CREBBP: variants seen among roughly 807,000 people sequenced by gnomAD.
The protein encoded by CREBBP is CREB binding lysine acetyltransferase.
In CREBBP, 19 loss-of-function variants were observed where a neutral mutation model predicts 265.0. That is an observed-to-expected ratio of 0.07 (90% CI 0.05 to 0.11). The LOEUF is 0.11. Among genes scored for constraint, CREBBP ranks in the 10% least tolerant of loss-of-function variants. CREBBP has a pLI of 1.00. For synonymous variants in CREBBP, 1,457 were observed against 1,223.7 expected (o/e 1.19, Z -3.98); for missense variants, 2,525 against 3,219.0 (o/e 0.78, Z 5.22).
At chr16:3,763,004 G>A (rs1231863131) in intron 16 of CREBBP, among the ~76,000 whole-genome samples, 1 of 151,472 alleles carries the variant, frequency 6.6e-6, no homozygotes, top group African/African-American at 2.4e-5. Context: ...TCGATCTCCC[G>A]ACCTCGTGAT....
chr16:3,763,201 G>C (rs1254577038), intron 16 of CREBBP, among the ~76,000 whole-genome samples: 1 of 151,064 alleles, frequency 6.6e-6, no homozygotes, highest in Non-Finnish European at 1.5e-5. Context: ...AGGTCTTCTG[G>C]AGTGCAGTAG....
intron 16 of CREBBP, among the ~76,000 whole-genome samples, chr16:3,766,617 C>A (rs918884864): frequency 1.3e-5 from 2 of 151,962 alleles, no homozygotes; most frequent in African/African-American, 4.8e-5. Context: ...CCTCAAACTC[C>A]TAGGCTCAGG....
At chr16:3,799,924 A>G (rs1254010191) in intron 3 of CREBBP, among the ~76,000 whole-genome samples, 1 of 152,248 alleles carries the variant, frequency 6.6e-6, no homozygotes, top group African/African-American at 2.4e-5. Context: ...TTTAATACCA[A>G]AAAGCATTCC....
chr16:3,850,332 C>T lies in CREBBP; in HGVS notation c.763G>A (p.Gly255Arg), dbSNP rs1288029673. 3 of 1,614,234 alleles carry T rather than the reference C, an allele frequency of 1.9e-6. No individual in the cohort carries two copies. The highest frequency in any genetic ancestry group is 2.2e-5 in the East Asian group (1 of 44,884). Residue 255 changes from glycine (G) to arginine (R), a missense_variant, in exon 2 of 31, where the codon GGA (glycine) becomes AGA (arginine). Gly to Arg is a moderately radical substitution (Grantham distance 125, BLOSUM62 -2). This residue lies in a region of CREBBP where 356 missense variants were observed against 340.4 expected (regional missense o/e 1.05). Transcript: ENST00000262367. Reference sequence around the variant, plus strand: ...CCTCCTGCCTGTGCGGTGTTCAGTCCCGCGTGACCAGTCATTTGCGGGGAA... The same window carrying T: ...CCTCCTGCCTGTGCGGTGTTCAGTCTCGCGTGACCAGTCATTTGCGGGGAA... ...QVSPQMTGHA[G>R]LNTAQAGGMA...
intron 2 of CREBBP, among the ~76,000 whole-genome samples, chr16:3,811,373 A>T (rs762509492): frequency 6.6e-6 from 1 of 152,204 alleles, no homozygotes; most frequent in Non-Finnish European, 1.5e-5. Context: ...GCCAACCAAG[A>T]GATCAAGACC....
intron 1 of CREBBP, among the ~76,000 whole-genome samples, chr16:3,857,043 A>G (rs913756676): frequency 1.1e-4 from 17 of 152,182 alleles, no homozygotes; most frequent in East Asian, 5.8e-4. Context: ...CTGCATCTTC[A>G]TACCCTCACC....
intron 2 of CREBBP, among the ~76,000 whole-genome samples, chr16:3,846,838 T>C (rs1458220895): frequency 6.6e-6 from 1 of 152,200 alleles, no homozygotes; most frequent in Non-Finnish European, 1.5e-5. Flanking sequence ...AAATAATAGT[T>C]GCCTTTGGTG....
chr16:3,789,490 C>T (rs1490738037), intron 5 of CREBBP, among the ~76,000 whole-genome samples: 3 of 152,176 alleles, frequency 2.0e-5, no homozygotes, highest in Non-Finnish European at 2.9e-5. Context: ...TTGTCTCTAC[C>T]TCGGTCCTTT....
At chr16:3,751,596 C>T (rs2052475283) in intron 20 of CREBBP, 130 bp downstream of exon 20, 5 of 958,036 alleles carry the variant, frequency 5.2e-6, no homozygotes. Flanking sequence ...GTCTCAAAAA[C>T]AAAAAACCAA....
At chr16:3,812,521 C>T (rs1172701680) in intron 2 of CREBBP, among the ~76,000 whole-genome samples, 1 of 151,292 alleles carries the variant, frequency 6.6e-6, no homozygotes, top group African/African-American at 2.4e-5. Flanking sequence ...TTAAAGTGCA[C>T]TGAAATCAAA....
At chr16:3,773,550 A>C in intron 13 of CREBBP, 1 of 619,206 alleles carries the variant, frequency 1.6e-6, no homozygotes, top group South Asian at 2.0e-5. Flanking sequence ...CATATAGTTA[A>C]CCCAGAAAGG....
At chr16:3,771,013 AAATT>A (rs1196442707) in intron 13 of CREBBP, 27 bp from the exon 14 acceptor site, 1 of 1,611,204 alleles carries the variant, frequency 6.2e-7, no homozygotes, top group Non-Finnish European at 8.5e-7. Context: ...GAGTATGGTA[AAATT>A]ATTTCCCCCG....
intron 2 of CREBBP, among the ~76,000 whole-genome samples, chr16:3,823,773 C>G (rs1418364984): frequency 6.6e-6 from 1 of 152,088 alleles, no homozygotes; most frequent in Non-Finnish European, 1.5e-5. Flanking sequence ...AGGGATGGAC[C>G]TGAATGCATT....
At chr16:3,734,277 C>G (rs566011500) in intron 28 of CREBBP, among the ~76,000 whole-genome samples, 2 of 152,286 alleles carry the variant, frequency 1.3e-5, no homozygotes, top group East Asian at 3.9e-4. Context: ...ACCCCCAGAG[C>G]GAGCTCCTGG....
In CREBBP at chr16:3,731,387, G is replaced by A. The variant is rs2051911274; in HGVS notation, c.4977C>T (p.Asp1659=). ...GGAAGGCGTCGCGCCCATCCATGAG[G>A]TCACAGCTGAGCAGGGGGTCGGGGT... ...IVDPDPLLSC[D]LMDGRDAFLT... is the part of the protein sequence containing the mutation. The change falls in exon 30 of 31, where the codon GAC becomes GAT. Residue 1659 remains aspartate (D), a synonymous_variant. Transcript: ENST00000262367. This position sits in a 1 kb window ranked among gnomAD's most constrained non-coding sequence, Gnocchi z 7.7. The A allele has an allele frequency of 1.2e-6, 2 of 1,612,078 alleles. No individual in the cohort carries two copies. The highest frequency in any genetic ancestry group is 8.5e-7 in the Non-Finnish European group (1 of 1,179,296).
Position 3,792,828 on chromosome 16 carries a change from G to T in CREBBP, c.1216+558C>A, listed in dbSNP as rs79003348. 1.3e-4 allele frequency among the ~76,000 whole-genome samples: 20 copies of T among 152,294 alleles called. No individual in the cohort carries two copies. In the East Asian group the frequency reaches 3.9e-3, roughly 29 times the overall value. Reference sequence around the variant, plus strand: ...TCTGCGGTAAAAGGGGAGACAGAGGGCACGTGAAGTGCCTAGTTCACCACC... The same window carrying T: ...TCTGCGGTAAAAGGGGAGACAGAGGTCACGTGAAGTGCCTAGTTCACCACC... On this transcript the variant is annotated intron_variant, in intron 4 of 30. Coordinates refer to ENST00000262367, the MANE Select transcript of CREBBP (RefSeq NM_004380.3).
intron 25 of CREBBP, 67 bp downstream of exon 25, chr16:3,739,511 T>TC (rs1567272177): frequency 6.3e-7 from 1 of 1,599,258 alleles, no homozygotes; most frequent in Admixed American, 1.7e-5. Flanking sequence ...CTGGGACACT[T>TC]AAGAGCCCTG....
At chr16:3,879,661 A>T (rs1378942484) in intron 1 of CREBBP, among the ~76,000 whole-genome samples, 171 bp downstream of exon 1, 2 of 152,102 alleles carry the variant, frequency 1.3e-5, no homozygotes, top group Non-Finnish European at 2.9e-5. Flanking sequence ...GCCCAGTGAC[A>T]GTCCTGCGAC....
In CREBBP at chr16:3,776,106, G is replaced by A. The variant is rs143325688; in HGVS notation, c.2159-1413C>T. Among the ~76,000 whole-genome samples, 828 of 151,932 alleles carry A rather than the reference G, an allele frequency of 5.4e-3. 4 individuals are homozygous for A. The highest frequency in any genetic ancestry group is 0.012 in the East Asian group (63 of 5,166). On this transcript the variant is annotated intron_variant, in intron 11 of 30. Coordinates refer to ENST00000262367, the MANE Select transcript of CREBBP (RefSeq NM_004380.3). Reference sequence around the variant, plus strand: ...TAAATTTTGTATTTTTAATAGAGACGGGGGTTTCACCATGTTGGCTAGGCT... The same window carrying A: ...TAAATTTTGTATTTTTAATAGAGACAGGGGTTTCACCATGTTGGCTAGGCT...
Sources: gnomAD v4.1 joint callset for allele counts (sites outside exome capture counted in the v4.1 genomes callset) on GRCh38, gnomAD v4.1.1 for gene constraint, gnomAD v4.1.1 regional missense constraint, Gnocchi (gnomAD v3.1) non-coding constraint, MANE v1.5 for transcripts, NCBI Gene and HGNC (gene_info 2026-07-23, HGNC 2026-07-21) for gene names.